The following MAP4K3 variants were observed in gnomAD, a reference collection of about 807,000 sequenced individuals.
MAP4K3 encodes mitogen-activated protein kinase kinase kinase kinase 3.
MAP4K3 carries 94 observed loss-of-function variants against 143.5 expected under a neutral mutation model. That is an observed-to-expected ratio of 0.65 (90% CI 0.55 to 0.78). The LOEUF (loss-of-function observed/expected upper bound fraction) is 0.78. MAP4K3 is among the 30% of genes least tolerant of loss of function. The pLI, the probability that MAP4K3 is intolerant of heterozygous loss-of-function variation, is 0.00. For missense variants in MAP4K3, 1,077 were observed against 1,068.1 expected (o/e 1.01, Z -0.12); for synonymous variants, 416 against 347.2 (o/e 1.20, Z -2.20).
intron 26 of MAP4K3, among the ~76,000 whole-genome samples, chr2:39,270,110 T>C (rs1680950599): frequency 6.6e-6 from 1 of 152,142 alleles, no homozygotes; most frequent in Non-Finnish European, 1.5e-5. Flanking sequence ...ACTTAGGGGT[T>C]AAAACACTGA....
intron 1 of MAP4K3, among the ~76,000 whole-genome samples, chr2:39,378,578 T>C (rs1666281222): frequency 1.3e-5 from 2 of 152,246 alleles, no homozygotes; most frequent in East Asian, 3.9e-4. Flanking sequence ...TATTACACTG[T>C]ATTGCTATTC....
At position 39,336,972 on chromosome 2, in the gene MAP4K3, A is replaced by G; in HGVS notation, c.367-5T>C. On this transcript the variant is annotated splice_region_variant and splice_polypyrimidine_tract_variant and intron_variant, in intron 5 of 33. Transcript: ENST00000263881. ...ACTGTGAAGATAATATAATCCCTGG[A>G]GTTTCAAAAAACAGAAAAATAAACA... The G allele has an allele frequency of 3.0e-6, 4 of 1,345,066 alleles. No homozygotes were observed. Among genetic ancestry groups the G allele is most frequent in the Non-Finnish European group, 3.1e-6 (3 of 965,348 alleles). 83.3% of individuals were successfully genotyped at this position (1,345,066 alleles called of 1,614,324 possible). A position where few individuals can be genotyped will look rare whatever the true frequency, so the allele number is the denominator to read the frequency against.
intron 1 of MAP4K3, among the ~76,000 whole-genome samples, chr2:39,418,653 T>A (rs867330639): frequency 2.0e-5 from 3 of 152,088 alleles, no homozygotes; most frequent in Non-Finnish European, 2.9e-5. Context: ...AAAGTTAATA[T>A]TGCCAGTGAT....
chr2:39,270,675 T>C (rs1369084473), intron 26 of MAP4K3, among the ~76,000 whole-genome samples: 2 of 152,124 alleles, frequency 1.3e-5, no homozygotes, highest in African/African-American at 2.4e-5. Flanking sequence ...CCAAAGCTTA[T>C]GCTTTACTAA....
At chr2:39,287,036 G>A in intron 20 of MAP4K3, 72 bp from the exon 21 acceptor site, 2 of 881,146 alleles carry the variant, frequency 2.3e-6, no homozygotes. Context: ...TATCAAGTAG[G>A]AAAGAAAAAA....
At chr2:39,378,863 G>A (rs1666289268) in intron 1 of MAP4K3, among the ~76,000 whole-genome samples, 1 of 151,268 alleles carries the variant, frequency 6.6e-6, no homozygotes, top group Non-Finnish European at 1.5e-5. Flanking sequence ...ATTATATTAT[G>A]TGTATTTATG....
Position 39,292,765 on chromosome 2 carries a change from G to C in MAP4K3, c.1271+8C>G. On this transcript the variant is annotated splice_region_variant and intron_variant, in intron 18 of 33. Coordinates refer to ENST00000263881, the MANE Select transcript of MAP4K3 (RefSeq NM_003618.4). ...TTTCTTTTTACCAAAAACAGAGACA[G>C]AACTTACTGTTTAGATTCATCATCA... The C allele has an allele frequency of 6.2e-7, 1 of 1,610,976 alleles. No individual in the cohort carries two copies. The highest frequency in any genetic ancestry group is 1.7e-5 in the Admixed American group (1 of 59,968).
chr2:39,342,777 T>A (rs780427124), intron 4 of MAP4K3, among the ~76,000 whole-genome samples: 2 of 152,114 alleles, frequency 1.3e-5, no homozygotes, highest in Non-Finnish European at 2.9e-5. Flanking sequence ...GTCCACAATA[T>A]TTTCTCAGAA....
chr2:39,357,507 T>C (rs1040595815), intron 2 of MAP4K3, among the ~76,000 whole-genome samples: 1 of 152,200 alleles, frequency 6.6e-6, no homozygotes, highest in Non-Finnish European at 1.5e-5. Context: ...CCATGAACCA[T>C]GTGAACCCAA....
intron 8 of MAP4K3, among the ~76,000 whole-genome samples, chr2:39,328,857 T>G (rs906347965): frequency 6.6e-6 from 1 of 152,180 alleles, no homozygotes; most frequent in Non-Finnish European, 1.5e-5. Context: ...GTTGAATAAA[T>G]GTACATATAT....
intron 31 of MAP4K3, among the ~76,000 whole-genome samples, chr2:39,255,731 G>A (rs73924817): frequency 0.041 from 6,168 of 152,154 alleles, 190 homozygotes; most frequent in African/African-American, 0.079. Context: ...TCCCAATGTT[G>A]TCCAGGCTGG....
At chr2:39,385,618 T>A (rs947270756) in intron 1 of MAP4K3, among the ~76,000 whole-genome samples, 1 of 144,212 alleles carries the variant, frequency 6.9e-6, no homozygotes, top group African/African-American at 2.6e-5. Context: ...CTTTGTCAGA[T>A]ATATGATTTG....
At chr2:39,430,138 G>A (rs1444628047) in intron 1 of MAP4K3, among the ~76,000 whole-genome samples, 1 of 152,196 alleles carries the variant, frequency 6.6e-6, no homozygotes, top group Non-Finnish European at 1.5e-5. Flanking sequence ...TTGACTCACA[G>A]TTCCACATGG....
At chr2:39,301,473 T>C (rs2148490229) in intron 15 of MAP4K3, among the ~76,000 whole-genome samples, 1 of 152,314 alleles carries the variant, frequency 6.6e-6, no homozygotes, top group Admixed American at 6.5e-5. Context: ...AAACACAAAA[T>C]TTGTTTTCTT....
intron 1 of MAP4K3, among the ~76,000 whole-genome samples, chr2:39,421,726 C>T (rs1194383185): frequency 6.6e-6 from 1 of 152,188 alleles, no homozygotes. Flanking sequence ...CTCTATTATT[C>T]TCCAATACAA....
chr2:39,352,975 A>C (rs1558661697), intron 3 of MAP4K3, among the ~76,000 whole-genome samples: 2 of 152,224 alleles, frequency 1.3e-5, no homozygotes, highest in Non-Finnish European at 2.9e-5. Context: ...AGTTCAAACA[A>C]GATCCTCCTT....
chr2:39,381,039 T>C (rs955729677), intron 1 of MAP4K3, among the ~76,000 whole-genome samples: 1 of 152,214 alleles, frequency 6.6e-6, no homozygotes, highest in African/African-American at 2.4e-5. Context: ...TTGACTATTA[T>C]AAATATTTCA....
chr2:39,304,520 A>C (rs1231138592), intron 15 of MAP4K3, among the ~76,000 whole-genome samples: 1 of 152,252 alleles, frequency 6.6e-6, no homozygotes, highest in African/African-American at 2.4e-5. Flanking sequence ...TATACCCATT[A>C]GGATAGCTAT....
chr2:39,343,218 A>G (rs564563932), intron 4 of MAP4K3, among the ~76,000 whole-genome samples, 170 bp downstream of exon 4: 1 of 152,190 alleles, frequency 6.6e-6, no homozygotes, highest in Non-Finnish European at 1.5e-5. Context: ...TAAAAAGCAA[A>G]GACTCCTCCT....
Sources: allele counts gnomAD v4.1 joint callset (sites outside exome capture counted in the v4.1 genomes callset), GRCh38; gene constraint gnomAD v4.1.1; transcripts MANE v1.5; gene names NCBI Gene and HGNC (gene_info 2026-07-23, HGNC 2026-07-21).